Variants in CEMIP observed in about 807,000 individuals in gnomAD.
CEMIP encodes cell migration-inducing and hyaluronan-binding protein.
CEMIP carries 105 observed loss-of-function variants against 156.9 expected under a neutral mutation model. That is an observed-to-expected ratio of 0.67 (90% CI 0.57 to 0.79). CEMIP has a LOEUF of 0.79. Among genes scored for constraint, CEMIP ranks in the 30% least tolerant of loss-of-function variants. The pLI is 0.00. For missense variants in CEMIP, 1,457 were observed against 1,769.4 expected (o/e 0.82, Z 3.17); for synonymous variants, 676 against 668.4 (o/e 1.01, Z -0.17).
At chr15:80,869,675 C>T (rs1210841147) in intron 1 of CEMIP, among the ~76,000 whole-genome samples, 2 of 152,134 alleles carry the variant, frequency 1.3e-5, no homozygotes, top group East Asian at 1.9e-4. Context: ...GTAAGATACT[C>T]GAGAGGCAGG....
chr15:80,893,708 G>C (rs1220201151), intron 10 of CEMIP, among the ~76,000 whole-genome samples: 2 of 152,204 alleles, frequency 1.3e-5, no homozygotes, highest in Non-Finnish European at 2.9e-5. Context: ...TAGGGGGTGT[G>C]AGTGTGTTTT....
At chr15:80,866,432 A>G (rs1158480393) in intron 1 of CEMIP, among the ~76,000 whole-genome samples, 1 of 152,026 alleles carries the variant, frequency 6.6e-6, no homozygotes, top group Non-Finnish European at 1.5e-5. Flanking sequence ...TCTACTGAAA[A>G]TACAAAAAAA....
Position 80,902,491 on chromosome 15 carries a change from T to C in CEMIP, c.1412-4172T>C, listed in dbSNP as rs140939185. ...CACACACTGTCCCTCATCTCTCGGATAGCAGCCTGGGAGTGGCCAGTGAAG... is the reference window on the plus strand; with the variant it reads ...CACACACTGTCCCTCATCTCTCGGACAGCAGCCTGGGAGTGGCCAGTGAAG... On this transcript the variant is annotated intron_variant, in intron 12 of 29. Transcript: ENST00000394685. 1.4e-4 allele frequency among the ~76,000 whole-genome samples: 21 copies of C among 152,216 alleles called. No homozygotes were observed. The East Asian group carries it at 3.7e-3, about 27-fold the overall frequency.
chr15:80,828,446 C>G (rs1385827098), intron 1 of CEMIP, among the ~76,000 whole-genome samples: 1 of 151,996 alleles, frequency 6.6e-6, no homozygotes, highest in African/African-American at 2.4e-5. Context: ...AAAGTCTGGT[C>G]CAAACATCCC....
intron 21 of CEMIP, among the ~76,000 whole-genome samples, chr15:80,929,671 C>G (rs944225674): frequency 6.6e-6 from 1 of 152,212 alleles, no homozygotes; most frequent in Non-Finnish European, 1.5e-5. Flanking sequence ...GATATTGTTA[C>G]ATGTTCTCAG....
chr15:80,862,144 G>A (rs1898001631), intron 1 of CEMIP, among the ~76,000 whole-genome samples: 1 of 152,182 alleles, frequency 6.6e-6, no homozygotes, highest in Admixed American at 6.5e-5. Flanking sequence ...TTGGGACTCG[G>A]GTCAACTTGT....
chr15:80,863,498 A>G (rs931384000), intron 1 of CEMIP, among the ~76,000 whole-genome samples: 4 of 152,242 alleles, frequency 2.6e-5, no homozygotes, highest in Non-Finnish European at 5.9e-5. Context: ...ACAGAATGAG[A>G]TAAGTTTAAA....
chr15:80,901,749 G>A (rs921122065), intron 12 of CEMIP, among the ~76,000 whole-genome samples: 1 of 151,618 alleles, frequency 6.6e-6, no homozygotes, highest in Non-Finnish European at 1.5e-5. Flanking sequence ...GCCAGGTTTC[G>A]TGTGTCCAGT....
chr15:80,860,625 C>T (rs897889406), intron 1 of CEMIP, among the ~76,000 whole-genome samples: 2 of 152,206 alleles, frequency 1.3e-5, no homozygotes, highest in African/African-American at 4.8e-5. Flanking sequence ...CAGCACTGAG[C>T]TGAGTGGGCA....
At position 80,934,365 on chromosome 15, in the gene CEMIP, CAT is replaced by C. The variant is rs538994075; in HGVS notation, c.3009+906_3009+907del. Reference sequence around the variant, plus strand: ...CCACATGTCCAGTGCTCAGTGGCCACATGAGGGACAGGGCAGGTCTAGATGGT... The same window carrying C: ...CCACATGTCCAGTGCTCAGTGGCCACGAGGGACAGGGCAGGTCTAGATGGT... On this transcript the variant is annotated intron_variant, in intron 23 of 29. Transcript: ENST00000394685. Among the ~76,000 whole-genome samples, 5 of 152,298 alleles carry C rather than the reference CAT, an allele frequency of 3.3e-5. No individual in the cohort carries two copies. In the South Asian group the frequency reaches 1.0e-3, roughly 32 times the overall value.
rs568591766 is a variant in CEMIP at position 80,864,937 on chromosome 15, G to T, written c.-175-8601G>T. ...GACTGAGAACCTGTGTTTCTAACAG[G>T]TAGTGTGATGCTGCTGTTCAGGGAA... On this transcript the variant is annotated intron_variant, in intron 1 of 29. Transcript: ENST00000394685. Among the ~76,000 whole-genome samples the T allele has an allele frequency of 1.6e-3, 244 of 152,176 alleles. 1 individual carries two copies. The highest frequency in any genetic ancestry group is 2.8e-3 in the Non-Finnish European group (192 of 68,034).
At chr15:80,814,253 G>A (rs1896739145) in intron 1 of CEMIP, among the ~76,000 whole-genome samples, 2 of 151,776 alleles carry the variant, frequency 1.3e-5, no homozygotes, top group Non-Finnish European at 2.9e-5. Context: ...GTTTCACCAC[G>A]TTAGCCAGGA....
intron 18 of CEMIP, 106 bp from the exon 19 acceptor site, chr15:80,925,518 T>C: frequency 2.7e-6 from 4 of 1,497,944 alleles, no homozygotes; most frequent in South Asian, 2.3e-5. Context: ...AGTCAATGCC[T>C]TCCTGGGCAC....
In CEMIP at chr15:80,920,103, G is replaced by A. The variant is rs200654376; in HGVS notation, c.1807G>A (p.Val603Ile). The A allele has an allele frequency of 1.4e-5, 23 of 1,614,236 alleles. No homozygotes were observed. In the East Asian group the frequency reaches 1.6e-4, roughly 11 times the overall value. The change falls in exon 15 of 30, where the codon GTT becomes ATT. Residue 603 changes from valine (V) to isoleucine (I), a missense_variant. Physicochemically the swap from Val to Ile is conservative, Grantham distance 29. This residue lies in a region of CEMIP where 53 missense variants were observed against 104.5 expected (regional missense o/e 0.51). Transcript: ENST00000394685. ...HGSNGLLIKD[V>I]VGYNSLGHCF... ...GTCTTGACCCCTGCAGATCAAGGAC[G>A]TTGTGGGCTATAACTCTTTGGGCCA...
rs1398027654 is a variant in CEMIP at position 80,887,753 on chromosome 15, T to C, written c.857T>C (p.Ile286Thr). 1.9e-6 allele frequency: 3 copies of C among 1,612,560 alleles called. No homozygotes were observed. The highest frequency in any genetic ancestry group is 2.5e-6 in the Non-Finnish European group (3 of 1,178,826). ...CCATCATCTTCAGTGGAAGACCATA[T>C]TGAATATCATGGTAATACATAGCTG... is the stretch of plus-strand genomic sequence containing the variant. ...GNPSSSVEDH[I>T]EYHGHRGSAA... Residue 286 changes from isoleucine (I) to threonine (T), a missense_variant, in exon 8 of 30, where the codon ATT (isoleucine) becomes ACT (threonine). Physicochemically the swap from Ile to Thr is moderately conservative, Grantham distance 89 (BLOSUM62 -1). Coordinates refer to ENST00000394685, the MANE Select transcript of CEMIP (RefSeq NM_001293298.2).
At chr15:80,815,496 GT>G (rs1896770135) in intron 1 of CEMIP, among the ~76,000 whole-genome samples, 1 of 152,172 alleles carries the variant, frequency 6.6e-6, no homozygotes, top group Non-Finnish European at 1.5e-5. Context: ...CTGGTATATA[GT>G]AGATATTCAA....
At position 80,839,289 on chromosome 15, in the gene CEMIP, AGTGTGTGTGT is replaced by A. The variant is rs34172431; in HGVS notation, c.-175-34216_-175-34207del. On this transcript the variant is annotated intron_variant, in intron 1 of 29. Transcript: ENST00000394685. Reference sequence around the variant, plus strand: ...TGAAGGCTGTGGAGTCAAGGCCGTGAGTGTGTGTGTGTGTGTGTGTGTGTGTGTGTGTGTG... The same window carrying A: ...TGAAGGCTGTGGAGTCAAGGCCGTGAGTGTGTGTGTGTGTGTGTGTGTGTG... 7.0e-3 allele frequency among the ~76,000 whole-genome samples: 912 copies of A among 131,186 alleles called. 11 individuals are homozygous for A. The highest frequency in any genetic ancestry group is 0.025 in the African/African-American group (808 of 32,664). The allele number at this position is 131,186 out of a possible 152,430, so 86.1% of individuals were successfully genotyped here. A position where few individuals can be genotyped will look rare whatever the true frequency, so the allele number is the denominator to read the frequency against.
chr15:80,934,430 A>G (rs60444891), intron 23 of CEMIP, among the ~76,000 whole-genome samples: 2,895 of 152,302 alleles, frequency 0.019, 99 homozygotes, highest in African/African-American at 0.066. Flanking sequence ...TTAGTTAGCT[A>G]TTATTATATT....
intron 14 of CEMIP, among the ~76,000 whole-genome samples, chr15:80,917,625 T>C (rs1022945258): frequency 6.6e-6 from 1 of 152,220 alleles, no homozygotes; most frequent in Non-Finnish European, 1.5e-5. Flanking sequence ...CACCCTTGCC[T>C]ATTACTAAAG....
Sources: gnomAD v4.1 joint callset for allele counts (sites outside exome capture counted in the v4.1 genomes callset) on GRCh38, gnomAD v4.1.1 for gene constraint, gnomAD v4.1.1 regional missense constraint, MANE v1.5 for transcripts, NCBI Gene and HGNC (gene_info 2026-07-23, HGNC 2026-07-21) for gene names.